Variants in PTGFRN observed in about 807,000 individuals in gnomAD.
PTGFRN encodes prostaglandin F2 receptor inhibitor.
PTGFRN carries 35 observed loss-of-function variants against 83.2 expected under a neutral mutation model. The ratio of observed to expected loss-of-function variants is 0.42; its 90% CI spans 0.32 to 0.56. PTGFRN has a LOEUF of 0.56. PTGFRN is among the 20% of genes least tolerant of loss of function. PTGFRN has a pLI of 0.11. For missense variants in PTGFRN, 1,051 were observed against 1,179.5 expected (o/e 0.89, Z 1.60); for synonymous variants, 519 against 498.6 (o/e 1.04, Z -0.55).
intron 1 of PTGFRN, among the ~76,000 whole-genome samples, chr1:116,938,422 C>T (rs1288774614): frequency 6.6e-6 from 1 of 152,176 alleles, no homozygotes; most frequent in Admixed American, 6.5e-5. Context: ...GGGCAAGTGA[C>T]ATCTTATGTG....
chr1:116,924,086 A>G (rs1649597463), intron 1 of PTGFRN, among the ~76,000 whole-genome samples: 1 of 150,540 alleles, frequency 6.6e-6, no homozygotes, highest in African/African-American at 2.4e-5. Context: ...AAAGGTAAGT[A>G]TGATCCCCTG....
intron 1 of PTGFRN, among the ~76,000 whole-genome samples, chr1:116,927,760 A>G (rs1649692122): frequency 1.3e-5 from 2 of 151,182 alleles, no homozygotes; most frequent in East Asian, 1.9e-4. Flanking sequence ...GTCTTGCACT[A>G]TTGGCTTCAA....
At chr1:116,946,790 A>T (rs1211771264) in intron 3 of PTGFRN, among the ~76,000 whole-genome samples, 2 of 152,238 alleles carry the variant, frequency 1.3e-5, no homozygotes, top group African/African-American at 2.4e-5. Flanking sequence ...ATTATATAGA[A>T]ATCGTTATCA....
At chr1:116,922,921 T>C (rs137971357) in intron 1 of PTGFRN, among the ~76,000 whole-genome samples, 151 of 152,286 alleles carry the variant, frequency 9.9e-4, no homozygotes, top group African/African-American at 3.3e-3. Flanking sequence ...TTCCAGTTAT[T>C]TGATTCTTTG....
At chr1:116,972,384 G>T (rs1012716849) in intron 6 of PTGFRN, among the ~76,000 whole-genome samples, 4 of 152,116 alleles carry the variant, frequency 2.6e-5, no homozygotes, top group African/African-American at 7.2e-5. Context: ...CCCCACTAGG[G>T]TTCAATATTC....
chr1:116,916,302 T>C (rs1193189141), intron 1 of PTGFRN, among the ~76,000 whole-genome samples: 4 of 152,328 alleles, frequency 2.6e-5, no homozygotes, highest in Non-Finnish European at 5.9e-5. Context: ...CTAGGATGAA[T>C]TTGGCTTAGA....
intron 6 of PTGFRN, among the ~76,000 whole-genome samples, chr1:116,969,120 GTT>G (rs35570677): frequency 0.18 from 24,352 of 137,136 alleles, 2,151 homozygotes; most frequent in Middle Eastern, 0.25. Flanking sequence ...CAGTTTATCT[GTT>G]TTTTTTTTTT....
At chr1:116,970,730 T>C (rs1650972248) in intron 6 of PTGFRN, among the ~76,000 whole-genome samples, 1 of 152,236 alleles carries the variant, frequency 6.6e-6, no homozygotes, top group Non-Finnish European at 1.5e-5. Context: ...AGAACAATAC[T>C]ATAGCCCTGA....
At chr1:116,950,712 G>C (rs1026759620) in intron 4 of PTGFRN, among the ~76,000 whole-genome samples, 5 of 152,108 alleles carry the variant, frequency 3.3e-5, no homozygotes, top group Non-Finnish European at 7.4e-5. Context: ...GACAGAGGGG[G>C]CAGGGAGAAG....
intron 4 of PTGFRN, among the ~76,000 whole-genome samples, chr1:116,956,558 A>G (rs1011050216): frequency 1.3e-5 from 2 of 152,256 alleles, no homozygotes; most frequent in African/African-American, 4.8e-5. Context: ...ACAGAGCAGC[A>G]GGAAGGAAGG....
Position 116,952,156 on chromosome 1 carries a change from T to G in PTGFRN, c.1213+2584T>G, listed in dbSNP as rs1650369538. ...ACTGGACTAAGGACCTTATATGCATTAAATGTTCAATGTGAAAATATTTTT... is the reference window on the plus strand; with the variant it reads ...ACTGGACTAAGGACCTTATATGCATGAAATGTTCAATGTGAAAATATTTTT... On this transcript the variant is annotated intron_variant, in intron 4 of 8. Coordinates refer to ENST00000393203, the MANE Select transcript of PTGFRN (RefSeq NM_020440.4). The surrounding 1 kb of genome is among the most constrained non-coding windows in gnomAD (Gnocchi z 4.0). 6.6e-6 allele frequency among the ~76,000 whole-genome samples: 1 copy of G among 152,246 alleles called. No homozygotes were observed. Among genetic ancestry groups the G allele is most frequent in the Non-Finnish European group, 1.5e-5 (1 of 68,046 alleles).
chr1:116,967,433 C>A, intron 6 of PTGFRN, 103 bp downstream of exon 6: 1 of 1,189,090 alleles, frequency 8.4e-7, no homozygotes, highest in Non-Finnish European at 1.2e-6. Context: ...AGATGCAATT[C>A]ATATGCCATA....
rs1207174356 is a variant in PTGFRN, at chr1:116,941,626, G to A, written c.50-89G>A. On this transcript the variant is annotated intron_variant, in intron 1 of 8. Transcript: ENST00000393203. This position sits in a 1 kb window ranked among gnomAD's most constrained non-coding sequence, Gnocchi z 5.0. ...TGGCTGTCACGTTTCTGCCATGCCT[G>A]TGAGCAGGAGCATCCACAGGTTTGC... is the stretch of plus-strand genomic sequence containing the variant. The A allele has an allele frequency of 4.7e-6, 7 of 1,493,910 alleles. No homozygotes were observed. The highest frequency in any genetic ancestry group is 6.3e-6 in the Non-Finnish European group (7 of 1,119,902). 92.5% of individuals were successfully genotyped at this position (1,493,910 alleles called of 1,614,324 possible).
chr1:116,935,739 G>C (rs796691961), intron 1 of PTGFRN, among the ~76,000 whole-genome samples: 25 of 152,220 alleles, frequency 1.6e-4, no homozygotes, highest in African/African-American at 5.5e-4. Flanking sequence ...TGCCCCGAGA[G>C]GTAAGAGAAA....
Position 116,952,444 on chromosome 1 carries a change from T to C in PTGFRN, c.1213+2872T>C, listed in dbSNP as rs1384005153. Reference sequence around the variant, plus strand: ...GAGAAAAAACCTCTTTTACTTAGAATGTATGTCCTACTTTAAAGGGAAAGA... The same window carrying C: ...GAGAAAAAACCTCTTTTACTTAGAACGTATGTCCTACTTTAAAGGGAAAGA... On this transcript the variant is annotated intron_variant, in intron 4 of 8. Coordinates refer to ENST00000393203, the MANE Select transcript of PTGFRN (RefSeq NM_020440.4). This position sits in a 1 kb window ranked among gnomAD's most constrained non-coding sequence, Gnocchi z 4.0. Among the ~76,000 whole-genome samples the C allele has an allele frequency of 6.6e-6, 1 of 152,164 alleles. No homozygotes were observed. Among genetic ancestry groups the C allele is most frequent in the Non-Finnish European group, 1.5e-5 (1 of 68,042 alleles).
intron 6 of PTGFRN, among the ~76,000 whole-genome samples, chr1:116,969,243 A>G (rs1308010126): frequency 6.6e-6 from 1 of 151,786 alleles, no homozygotes; most frequent in Non-Finnish European, 1.5e-5. Flanking sequence ...TTTAGGTCTT[A>G]CATTTTAGGC....
At chr1:116,962,914 G>A (rs1035308192) in intron 5 of PTGFRN, among the ~76,000 whole-genome samples, 2 of 152,332 alleles carry the variant, frequency 1.3e-5, no homozygotes, top group South Asian at 2.1e-4. Flanking sequence ...TGTACATTAT[G>A]ATAGCACCTT....
Position 116,944,733 on chromosome 1 carries a change from G to A in PTGFRN, c.473G>A (p.Ser158Asn). The change falls in exon 3 of 9, where the codon AGC becomes AAC. Residue 158 changes from serine (S) to asparagine (N), a missense_variant. Physicochemically the swap from Ser to Asn is conservative, Grantham distance 46. Around this residue, in one of 3 missense-constraint regions of PTGFRN, gnomAD observed 205 missense variants for 174.5 expected, o/e 1.17. Transcript: ENST00000393203. ...AGCGCGCGGCCCCCGCCGAGCCTGA[G>A]CCTGCGGGAGGGGGAGCCCTTCGAG... ...GPSARPPPSLSLREGEPFELR... is the reference protein window; with the variant it reads ...GPSARPPPSLNLREGEPFELR... 2 of 1,475,406 alleles carry A rather than the reference G, an allele frequency of 1.4e-6. No individual in the cohort carries two copies. The highest frequency in any genetic ancestry group is 8.9e-7 in the Non-Finnish European group (1 of 1,121,178). The allele number at this position is 1,475,406 out of a possible 1,614,324, so 91.4% of individuals were successfully genotyped here. A position where few individuals can be genotyped will look rare whatever the true frequency, so the allele number is the denominator to read the frequency against.
chr1:116,969,341 C>A (rs887402842), intron 6 of PTGFRN, among the ~76,000 whole-genome samples: 3 of 152,090 alleles, frequency 2.0e-5, no homozygotes, highest in Non-Finnish European at 4.4e-5. Context: ...GTCCTAGCAC[C>A]ATTTATTGAA....
Sources: allele counts gnomAD v4.1 joint callset (sites outside exome capture counted in the v4.1 genomes callset), GRCh38; gene constraint gnomAD v4.1.1; regional missense constraint gnomAD v4.1.1; non-coding constraint Gnocchi (gnomAD v3.1); transcripts MANE v1.5; gene names NCBI Gene and HGNC (gene_info 2026-07-23, HGNC 2026-07-21).